The following LAMA2 variants were observed in gnomAD, a reference collection of about 807,000 sequenced individuals.
The protein encoded by LAMA2 is laminin subunit alpha-2.
In LAMA2, 269 loss-of-function variants were observed where a neutral mutation model predicts 364.8. The ratio of observed to expected loss-of-function variants is 0.74; its 90% CI spans 0.67 to 0.82. LAMA2 has a LOEUF of 0.82. Ranked by LOEUF, LAMA2 falls within the 40% of genes least tolerant of loss-of-function variation. LAMA2 has a pLI of 0.00. For synonymous variants in LAMA2, 1,379 were observed against 1,370.6 expected (o/e 1.01, Z -0.14); for missense variants, 3,807 against 3,873.2 (o/e 0.98, Z 0.45).
intron 28 of LAMA2, among the ~76,000 whole-genome samples, chr6:129,322,398 G>T (rs936415633): frequency 6.6e-6 from 1 of 152,178 alleles, no homozygotes; most frequent in Admixed American, 6.5e-5. Context: ...TTTCCAGTGA[G>T]CATTGAAGAT....
intron 1 of LAMA2, among the ~76,000 whole-genome samples, chr6:129,042,473 A>C (rs976289773): frequency 6.6e-6 from 1 of 152,072 alleles, no homozygotes; most frequent in Admixed American, 6.6e-5. Flanking sequence ...AATATCATTA[A>C]CTGGAGTTAA....
At chr6:129,287,579 A>G (rs898975330) in intron 18 of LAMA2, among the ~76,000 whole-genome samples, 1 of 152,146 alleles carries the variant, frequency 6.6e-6, no homozygotes, top group Non-Finnish European at 1.5e-5. Flanking sequence ...GCAGATTCTT[A>G]TTATGCTTTG....
At chr6:129,452,640 G>A (rs1336255) in intron 45 of LAMA2, among the ~76,000 whole-genome samples, 90,625 of 151,960 alleles carry the variant, frequency 0.6, 27,185 homozygotes, top group South Asian at 0.63. Flanking sequence ...CTTAATGAAG[G>A]TCATTCTCAT....
chr6:128,910,315 T>C (rs1777819389), intron 1 of LAMA2, among the ~76,000 whole-genome samples: 2 of 152,222 alleles, frequency 1.3e-5, no homozygotes, highest in Admixed American at 1.3e-4. Context: ...GTCCCATATT[T>C]CTTGGAGGCT....
At chr6:129,274,060 G>A (rs1270690767) in intron 17 of LAMA2, among the ~76,000 whole-genome samples, 1 of 151,854 alleles carries the variant, frequency 6.6e-6, no homozygotes, top group Non-Finnish European at 1.5e-5. Context: ...TAGAAAGAGA[G>A]GGCAGTGATA....
At chr6:129,361,484 G>A (rs1299928453) in intron 32 of LAMA2, among the ~76,000 whole-genome samples, 1 of 152,230 alleles carries the variant, frequency 6.6e-6, no homozygotes, top group Non-Finnish European at 1.5e-5. Flanking sequence ...GCTGAGCTCA[G>A]TTGGACAGAT....
chr6:129,109,456 T>C (rs1776015870), intron 4 of LAMA2, among the ~76,000 whole-genome samples: 1 of 152,086 alleles, frequency 6.6e-6, no homozygotes, highest in South Asian at 2.1e-4. Context: ...TCCATTATAA[T>C]AATGTCACTA....
At chr6:129,256,108 A>G (rs1408349066) in intron 14 of LAMA2, among the ~76,000 whole-genome samples, 2 of 152,240 alleles carry the variant, frequency 1.3e-5, no homozygotes, top group Non-Finnish European at 2.9e-5. Flanking sequence ...TTAAGTGAAA[A>G]CATAATGTAT....
intron 29 of LAMA2, among the ~76,000 whole-genome samples, chr6:129,334,288 C>T (rs1422359230): frequency 2.0e-5 from 3 of 152,196 alleles, no homozygotes; most frequent in Non-Finnish European, 4.4e-5. Flanking sequence ...GGCTTCACCC[C>T]TTACTGGTAG....
intron 2 of LAMA2, 25 bp from the exon 3 acceptor site, chr6:129,059,759 T>C (rs1183031592): frequency 1.5e-6 from 2 of 1,373,792 alleles, no homozygotes; most frequent in Non-Finnish European, 2.1e-6. Context: ...CTTCTTCCTT[T>C]CATATGATGC....
At chr6:129,210,356 A>G (rs1195424075) in intron 12 of LAMA2, among the ~76,000 whole-genome samples, 2 of 152,186 alleles carry the variant, frequency 1.3e-5, no homozygotes, top group East Asian at 1.9e-4. Flanking sequence ...ATGTAAATAC[A>G]AATTTATTTA....
chr6:129,364,393 C>T (rs1286129242), intron 32 of LAMA2, among the ~76,000 whole-genome samples: 1 of 152,090 alleles, frequency 6.6e-6, no homozygotes, highest in East Asian at 1.9e-4. Context: ...ATGTATTTTC[C>T]CCTATTCTAA....
At chr6:128,936,951 A>C (rs554210191) in intron 1 of LAMA2, among the ~76,000 whole-genome samples, 272 of 147,910 alleles carry the variant, frequency 1.8e-3, no homozygotes, top group African/African-American at 7.1e-3. Flanking sequence ...GTTGTGATAC[A>C]GTTTGGATAC....
At chr6:129,195,704 A>G (rs1298584560) in intron 12 of LAMA2, among the ~76,000 whole-genome samples, 2 of 152,216 alleles carry the variant, frequency 1.3e-5, no homozygotes, top group Admixed American at 6.5e-5. Flanking sequence ...TTCATTTTCA[A>G]AATGCTTGGC....
At chr6:128,927,231 T>A (rs542062284) in intron 1 of LAMA2, among the ~76,000 whole-genome samples, 2 of 152,330 alleles carry the variant, frequency 1.3e-5, no homozygotes, top group East Asian at 3.9e-4. Flanking sequence ...CTTTTCTTGA[T>A]AACAAATGCA....
chr6:129,149,728 C>A (rs1468664534), intron 7 of LAMA2, among the ~76,000 whole-genome samples: 2 of 152,084 alleles, frequency 1.3e-5, no homozygotes, highest in African/African-American at 2.4e-5. Flanking sequence ...TGGGTCTAAC[C>A]AACTGCAGAT....
chr6:129,236,447 C>G (rs1289917061), intron 12 of LAMA2, among the ~76,000 whole-genome samples: 6 of 152,104 alleles, frequency 3.9e-5, no homozygotes, highest in African/African-American at 1.4e-4. Context: ...CTATAAAAAC[C>G]TCTGAATATC....
intron 22 of LAMA2, among the ~76,000 whole-genome samples, chr6:129,305,181 T>A: frequency 6.6e-6 from 1 of 152,204 alleles, no homozygotes. Context: ...CTCTCTTTAT[T>A]CCTAGTAACA....
rs144727947 is a variant in LAMA2 at position 129,385,431 on chromosome 6, A to C, written c.5071+2198A>C. Among the ~76,000 whole-genome samples the C allele has an allele frequency of 2.5e-3, 375 of 152,092 alleles. 1 individual carries two copies. Among genetic ancestry groups the C allele is most frequent in the Non-Finnish European group, 3.7e-3 (251 of 67,968 alleles). ...CACACCTCTTTTTCTCTCTCTCTAA[A>C]CTATAATAATGAGGGATAACCATCA... On this transcript the variant is annotated intron_variant, in intron 35 of 64. Coordinates refer to ENST00000421865, the MANE Select transcript of LAMA2 (RefSeq NM_000426.4).
Sources: allele counts gnomAD v4.1 joint callset (sites outside exome capture counted in the v4.1 genomes callset), GRCh38; gene constraint gnomAD v4.1.1; transcripts MANE v1.5; gene names NCBI Gene and HGNC (gene_info 2026-07-23, HGNC 2026-07-21).